The following MCC variants were observed in gnomAD, a reference collection of about 807,000 sequenced individuals.
The protein encoded by MCC is MCC regulator of Wnt signaling pathway, also known as colorectal mutant cancer protein.
Under a neutral mutation model 116.2 loss-of-function variants are expected in MCC, and 90 were observed. That is an observed-to-expected ratio of 0.77 (90% CI 0.65 to 0.92). The LOEUF (loss-of-function observed/expected upper bound fraction) is 0.92. Ranked by LOEUF, MCC falls within the 40% of genes least tolerant of loss-of-function variation. The probability of loss-of-function intolerance (pLI) is 0.00; values close to 1 mark genes in which losing one functional copy is unlikely to be tolerated. For synonymous variants in MCC, 578 were observed against 510.5 expected (o/e 1.13, Z -1.78); for missense variants, 1,516 against 1,312.2 (o/e 1.16, Z -2.40).
chr5:113,064,061 G>A lies in MCC; in HGVS notation c.2136C>T (p.Gly712=). Residue 712 remains glycine, a synonymous_variant, in exon 14 of 19, where the codon GGC becomes GGT. Coordinates refer to ENST00000408903, the MANE Select transcript of MCC (RefSeq NM_001085377.2). ...AAKALLMKLD[G]SCGGAFAVAG... The stretch of plus-strand genomic sequence containing the variant: ...CCACGGCAAAGGCTCCCCCACAGCT[G>A]CCGTCCAGCTTCATGAGCAGGGCCT... 6.2e-7 allele frequency: 1 copy of A among 1,614,234 alleles called. No individual in the cohort carries two copies. The highest frequency in any genetic ancestry group is 8.5e-7 in the Non-Finnish European group (1 of 1,180,038).
rs1285041167 is a variant in MCC, at chr5:113,353,748, T to C, written c.416-13018A>G. Among the ~76,000 whole-genome samples, 3 of 152,342 alleles carry C rather than the reference T, an allele frequency of 2.0e-5. No homozygotes were observed. The Middle Eastern group carries it at 0.01, about 518-fold the overall frequency. ...CAGTTAGCAAAGTGCATGAGGCACT[T>C]TAGACATGTTGTGATATTTTTATTT... On this transcript the variant is annotated intron_variant, in intron 2 of 18. Coordinates refer to ENST00000408903, the MANE Select transcript of MCC (RefSeq NM_001085377.2).
chr5:113,353,726 T>G (rs1463512125), intron 2 of MCC, among the ~76,000 whole-genome samples: 6 of 152,238 alleles, frequency 3.9e-5, no homozygotes. Flanking sequence ...TACTGGTCAG[T>G]TAGCAAAGTG....
intron 8 of MCC, among the ~76,000 whole-genome samples, chr5:113,095,787 T>C (rs1019343479): frequency 1.3e-5 from 2 of 151,966 alleles, no homozygotes; most frequent in African/African-American, 4.8e-5. Context: ...CCTTTAGAGG[T>C]ATCTGATTTT....
At chr5:113,445,550 A>G (rs1771186047) in intron 1 of MCC, among the ~76,000 whole-genome samples, 1 of 152,190 alleles carries the variant, frequency 6.6e-6, no homozygotes, top group South Asian at 2.1e-4. Flanking sequence ...AAGATGAAAG[A>G]TCTCTACAAG....
rs1012928898 is a variant in MCC at position 113,213,853 on chromosome 5, C to T, written c.628-62431G>A. Among the ~76,000 whole-genome samples the T allele has an allele frequency of 7.2e-5, 11 of 152,140 alleles. No individual in the cohort carries two copies. In the South Asian group the frequency reaches 1.0e-3, roughly 14 times the overall value. The stretch of plus-strand genomic sequence containing the variant: ...TTCACTTACCCAAAGCTACTTTGTC[C>T]GAAAGAGGACAGACAAATCAGCTAA... On this transcript the variant is annotated intron_variant, in intron 3 of 18. Transcript: ENST00000408903.
chr5:113,390,929 A>G (rs923763383), intron 1 of MCC, among the ~76,000 whole-genome samples: 2 of 152,244 alleles, frequency 1.3e-5, no homozygotes, highest in Non-Finnish European at 2.9e-5. Flanking sequence ...CACACAAAAA[A>G]TGTAATTTAG....
rs147200601 is a variant in MCC at position 113,134,832 on chromosome 5, A to T, written c.884+8386T>A. Among the ~76,000 whole-genome samples, 820 of 152,026 alleles carry T rather than the reference A, an allele frequency of 5.4e-3. 7 individuals are homozygous for T. Among genetic ancestry groups the T allele is most frequent in the African/African-American group, 0.019 (772 of 41,480 alleles). ...ATGGAACACTAGGCATAAATAGATTAACAATATTAATTCTTCCAATCCATA... is the reference window on the plus strand; with the variant it reads ...ATGGAACACTAGGCATAAATAGATTTACAATATTAATTCTTCCAATCCATA... On this transcript the variant is annotated intron_variant, in intron 5 of 18. Transcript: ENST00000408903.
rs1772539925 is a variant in MCC, at chr5:113,486,707, G to C, written c.170+1538C>G. ...AAAATACGAAAATTAGCCGGGAGTG[G>C]TAGTGGGCACCTGTAATCCCAGCTA... On this transcript the variant is annotated intron_variant, in intron 1 of 18. Transcript: ENST00000408903. Among the ~76,000 whole-genome samples, 4 of 152,052 alleles carry C rather than the reference G, an allele frequency of 2.6e-5. No homozygotes were observed. The South Asian group carries it at 8.3e-4, about 32-fold the overall frequency.
intron 1 of MCC, among the ~76,000 whole-genome samples, chr5:113,480,931 T>C (rs1055210270): frequency 2.6e-5 from 4 of 152,058 alleles, no homozygotes; most frequent in Non-Finnish European, 5.9e-5. Context: ...CAAGCTGCCA[T>C]GCCTGGGTAA....
intron 3 of MCC, among the ~76,000 whole-genome samples, chr5:113,327,561 AATAT>A (rs869214073): frequency 6.0e-4 from 48 of 80,564 alleles, no homozygotes; most frequent in Middle Eastern, 6.8e-3. Flanking sequence ...AAAAAAAAAA[AATAT>A]ATATATATAT....
chr5:113,232,064 C>A (rs1763958576), intron 3 of MCC, among the ~76,000 whole-genome samples: 1 of 152,134 alleles, frequency 6.6e-6, no homozygotes, highest in African/African-American at 2.4e-5. Context: ...CCACCTCAAG[C>A]ACAAAGATAC....
chr5:113,224,763 C>A (rs1763673163), intron 3 of MCC, among the ~76,000 whole-genome samples: 1 of 152,184 alleles, frequency 6.6e-6, no homozygotes, highest in Non-Finnish European at 1.5e-5. Context: ...CTACTAAGTT[C>A]AAATCTTTTA....
At chr5:113,439,716 G>A (rs1332482789) in intron 1 of MCC, among the ~76,000 whole-genome samples, 1 of 152,180 alleles carries the variant, frequency 6.6e-6, no homozygotes. Flanking sequence ...GCCTCAGTAT[G>A]TACATTTCTA....
intron 1 of MCC, among the ~76,000 whole-genome samples, chr5:113,450,358 T>A (rs1177912999): frequency 6.6e-6 from 1 of 152,208 alleles, no homozygotes; most frequent in Non-Finnish European, 1.5e-5. Context: ...GTGAACTCCA[T>A]TAGCTGCTGT....
At chr5:113,095,997 C>T (rs573834900) in intron 8 of MCC, among the ~76,000 whole-genome samples, 22 of 152,190 alleles carry the variant, frequency 1.4e-4, no homozygotes, top group Non-Finnish European at 2.6e-4. Context: ...GCCTCCATGC[C>T]TTGGGAGCCC....
At chr5:113,214,378 G>T (rs972120532) in intron 3 of MCC, among the ~76,000 whole-genome samples, 1 of 152,204 alleles carries the variant, frequency 6.6e-6, no homozygotes, top group Non-Finnish European at 1.5e-5. Flanking sequence ...CAAACTCCAT[G>T]AACTGAGTTG....
chr5:113,261,573 C>T (rs1250972363), intron 3 of MCC, among the ~76,000 whole-genome samples: 1 of 152,098 alleles, frequency 6.6e-6, no homozygotes, highest in Non-Finnish European at 1.5e-5. Flanking sequence ...TTTACAAATA[C>T]AGTCATAAAT....
Position 113,352,861 on chromosome 5 carries a change from C to T in MCC, c.416-12131G>A, listed in dbSNP as rs1768311372. 2.0e-5 allele frequency among the ~76,000 whole-genome samples: 3 copies of T among 152,162 alleles called. No individual in the cohort carries two copies. The South Asian group carries it at 6.2e-4, about 32-fold the overall frequency. ...ACTTTGTAAATACATCATCAGGTTA[C>T]AACCCTCAACTCCTGCTTAATATTG... On this transcript the variant is annotated intron_variant, in intron 2 of 18. Transcript: ENST00000408903.
In MCC at chr5:113,103,089, G is replaced by A. The variant is rs183138891; in HGVS notation, c.1191+1103C>T. 3.4e-4 allele frequency among the ~76,000 whole-genome samples: 51 copies of A among 152,232 alleles called. No individual in the cohort carries two copies. The East Asian group carries it at 8.9e-3, about 26-fold the overall frequency. On this transcript the variant is annotated intron_variant, in intron 7 of 18. Coordinates refer to ENST00000408903, the MANE Select transcript of MCC (RefSeq NM_001085377.2). Reference sequence around the variant, plus strand: ...AGATCATGCCACTGCACTCCAGCCTGGGCGACAGAGCAAGACTCCGTCTAA... The same window carrying A: ...AGATCATGCCACTGCACTCCAGCCTAGGCGACAGAGCAAGACTCCGTCTAA...
Sources: allele counts gnomAD v4.1 joint callset (sites outside exome capture counted in the v4.1 genomes callset), GRCh38; gene constraint gnomAD v4.1.1; transcripts MANE v1.5; gene names NCBI Gene and HGNC (gene_info 2026-07-23, HGNC 2026-07-21).